Variants in RARB observed in about 807,000 individuals in gnomAD.
RARB encodes retinoic acid receptor beta.
RARB carries 17 observed loss-of-function variants against 51.9 expected under a neutral mutation model. The ratio of observed to expected loss-of-function variants is 0.33; its 90% CI spans 0.22 to 0.49. The LOEUF (loss-of-function observed/expected upper bound fraction) is 0.49. Ranked by LOEUF, RARB falls within the 20% of genes least tolerant of loss-of-function variation. RARB has a pLI of 0.99. For synonymous variants in RARB, 215 were observed against 195.4 expected, an observed-to-expected ratio of 1.10 and a Z score of -0.84; for missense variants, 369 against 550.8, an observed-to-expected ratio of 0.67 and a Z score of 3.30.
intron 5 of RARB, among the ~76,000 whole-genome samples, chr3:25,215,574 C>G (rs1701814521): frequency 1.3e-5 from 2 of 152,276 alleles, no homozygotes; most frequent in East Asian, 1.9e-4. Context: ...GGAGGAAGTT[C>G]TGCCTTGGGA....
intron 5 of RARB, among the ~76,000 whole-genome samples, chr3:25,229,518 A>G (rs1191429397): frequency 6.6e-6 from 1 of 152,180 alleles, no homozygotes; most frequent in Non-Finnish European, 1.5e-5. Flanking sequence ...ACTTTAATAC[A>G]TAAGTAAGCA....
At chr3:25,331,593 C>G (rs556743647) in intron 5 of RARB, among the ~76,000 whole-genome samples, 1 of 152,218 alleles carries the variant, frequency 6.6e-6, no homozygotes, top group African/African-American at 2.4e-5. Context: ...AAAATTGACA[C>G]CCTAACATCA....
chr3:24,898,202 A>C (rs757151841), intron 2 of RARB, among the ~76,000 whole-genome samples: 1 of 152,134 alleles, frequency 6.6e-6, no homozygotes, highest in Non-Finnish European at 1.5e-5. Context: ...TCACGTGATT[A>C]GGGCATTGCT....
intron 1 of RARB, among the ~76,000 whole-genome samples, chr3:25,437,735 G>A (rs1192377924): frequency 5.9e-5 from 9 of 152,168 alleles, no homozygotes; most frequent in Non-Finnish European, 8.8e-5. Context: ...AGGCCTCATA[G>A]ATCATCTCTA....
chr3:25,018,722 C>A (rs1055618358), intron 2 of RARB, among the ~76,000 whole-genome samples: 3 of 152,156 alleles, frequency 2.0e-5, no homozygotes, highest in African/African-American at 7.2e-5. Flanking sequence ...ATCTGTGACT[C>A]AGTCACCTGG....
At chr3:25,169,753 C>T (rs187220657) in intron 4 of RARB, among the ~76,000 whole-genome samples, 2 of 151,952 alleles carry the variant, frequency 1.3e-5, no homozygotes, top group East Asian at 3.9e-4. Context: ...TTTGGGATGC[C>T]GAGGCAGAAG....
intron 4 of RARB, among the ~76,000 whole-genome samples, chr3:25,143,433 T>C (rs1285911701): frequency 1.3e-5 from 2 of 152,170 alleles, no homozygotes. Flanking sequence ...TAGCCTAGTG[T>C]TCAGATGTGG....
chr3:25,187,507 C>G (rs142720734), intron 5 of RARB, among the ~76,000 whole-genome samples: 4 of 151,810 alleles, frequency 2.6e-5, no homozygotes, highest in African/African-American at 9.7e-5. Flanking sequence ...ACGTACATTA[C>G]AAAGATAAAA....
At position 25,106,495 on chromosome 3, in the gene RARB, G is replaced by A. The variant is rs564972389; in HGVS notation, c.-327-25666G>A. 4.4e-4 allele frequency among the ~76,000 whole-genome samples: 53 copies of A among 121,022 alleles called. No homozygotes were observed. The Admixed American group carries it at 5.3e-3, about 12-fold the overall frequency. 79.4% of individuals were successfully genotyped at this position (121,022 alleles called of 152,430 possible). A position where few individuals can be genotyped will look rare whatever the true frequency, so the allele number is the denominator to read the frequency against. ...TTTGTTTTTTTTTTGTAGAGACAGG[G>A]TTTTGCCATGTTGCCAAGGCTGGTC... On this transcript the variant is annotated intron_variant, in intron 3 of 11. Transcript: ENST00000383772.
chr3:24,960,422 C>A (rs1352555677), intron 2 of RARB, among the ~76,000 whole-genome samples: 2 of 152,106 alleles, frequency 1.3e-5, no homozygotes, highest in African/African-American at 4.8e-5. Flanking sequence ...TATTTTCTCC[C>A]AACCTATGAT....
chr3:25,409,110 A>C (rs982081317), intron 5 of RARB, among the ~76,000 whole-genome samples: 3 of 152,232 alleles, frequency 2.0e-5, no homozygotes, highest in African/African-American at 7.2e-5. Context: ...CAACGCAGCA[A>C]GTACCAATGA....
chr3:25,336,690 C>G (rs1222798197), intron 5 of RARB, among the ~76,000 whole-genome samples: 1 of 152,200 alleles, frequency 6.6e-6, no homozygotes, highest in African/African-American at 2.4e-5. Flanking sequence ...ATGGCCACCT[C>G]TCTCATTAGC....
At chr3:25,385,847 G>C (rs1706778566) in intron 5 of RARB, among the ~76,000 whole-genome samples, 1 of 152,078 alleles carries the variant, frequency 6.6e-6, no homozygotes, top group Non-Finnish European at 1.5e-5. Context: ...TCTTAGTCTA[G>C]GCAAGCACGT....
intron 2 of RARB, among the ~76,000 whole-genome samples, chr3:25,055,511 A>G (rs1340332832): frequency 6.6e-6 from 1 of 152,158 alleles, no homozygotes; most frequent in Non-Finnish European, 1.5e-5. Context: ...TGTTTTATGG[A>G]AACTACAGGG....
intron 3 of RARB, among the ~76,000 whole-genome samples, chr3:25,545,803 C>G (rs889326795): frequency 2.0e-5 from 3 of 152,158 alleles, no homozygotes; most frequent in African/African-American, 7.2e-5. Context: ...AGGCACTCTT[C>G]CGGGTGCTGG....
At chr3:25,170,673 G>C (rs1164778621) in intron 4 of RARB, among the ~76,000 whole-genome samples, 2 of 152,118 alleles carry the variant, frequency 1.3e-5, no homozygotes, top group Non-Finnish European at 2.9e-5. Context: ...GACCTCTCGT[G>C]AATGAAATGC....
intron 3 of RARB, among the ~76,000 whole-genome samples, chr3:25,504,182 A>T (rs923120029): frequency 1.1e-4 from 16 of 152,224 alleles, no homozygotes; most frequent in African/African-American, 3.9e-4. Flanking sequence ...CTGGATCCAA[A>T]GGCACATGTT....
At chr3:25,567,904 C>T (rs1700562706) in intron 3 of RARB, among the ~76,000 whole-genome samples, 1 of 152,178 alleles carries the variant, frequency 6.6e-6, no homozygotes, top group Non-Finnish European at 1.5e-5. Context: ...AGACTCCATC[C>T]TCACGGAGAG....
intron 2 of RARB, among the ~76,000 whole-genome samples, chr3:24,980,451 T>C (rs542380049): frequency 2.2e-4 from 33 of 152,200 alleles, no homozygotes; most frequent in Non-Finnish European, 4.0e-4. Context: ...CCATATTTCT[T>C]GGAGGCTTTA....
Sources: allele counts gnomAD v4.1 joint callset (sites outside exome capture counted in the v4.1 genomes callset), GRCh38; gene constraint gnomAD v4.1.1; transcripts MANE v1.5; gene names NCBI Gene and HGNC (gene_info 2026-07-23, HGNC 2026-07-21).